Variants in SLC9A7 observed in about 807,000 individuals in gnomAD.
SLC9A7 encodes sodium/hydrogen exchanger 7.
In SLC9A7, 19 loss-of-function variants were observed where a neutral mutation model predicts 52.6. That is an observed-to-expected ratio of 0.36 (90% CI 0.25 to 0.53). The LOEUF (loss-of-function observed/expected upper bound fraction) is 0.53, where lower values mean the gene tolerates loss of function less well. SLC9A7 is among the 20% of genes least tolerant of loss of function. SLC9A7 has a pLI of 0.91. For synonymous variants in SLC9A7, 226 were observed against 252.1 expected, an observed-to-expected ratio of 0.90 and a Z score of 0.98; for missense variants, 455 against 597.9, an observed-to-expected ratio of 0.76 and a Z score of 2.49.
At chrX:46,611,470 T>A (rs1390668916) in intron 16 of SLC9A7, among the ~76,000 whole-genome samples, 1 of 112,280 alleles carries the variant, frequency 8.9e-6, no homozygotes, top group Non-Finnish European at 1.9e-5. Context: ...GGAGGAGCCG[T>A]GGGTGTTGGA....
At chrX:46,697,067 C>T (rs745740967) in intron 1 of SLC9A7, among the ~76,000 whole-genome samples, 1 of 111,655 alleles carries the variant, frequency 9.0e-6, no homozygotes, top group East Asian at 2.8e-4. Context: ...TGTGGGAGAT[C>T]ATAAACAGGG....
intron 15 of SLC9A7, among the ~76,000 whole-genome samples, chrX:46,615,572 C>T (rs1042571641): frequency 1.2e-4 from 13 of 109,708 alleles, no homozygotes; most frequent in Non-Finnish European, 2.5e-4. Context: ...TCAGGTACTC[C>T]AAAGACAAGC....
rs1942657229 is a variant in SLC9A7 at position 46,601,327 on chromosome X, T to G, written c.*5625A>C. 1 of 112,331 alleles carries G rather than the reference T, an allele frequency of 8.9e-6. No homozygotes were observed. The highest frequency in any genetic ancestry group is 9.4e-5 in the Admixed American group (1 of 10,603). The allele number at this position is 112,331 out of a possible 1,213,427, so 9.3% of individuals were successfully genotyped here. ...TGTTTCTACATTTGGAAATTACTTG[T>G]TCACATTAAACATCTGGTATGATTA... is the stretch of plus-strand genomic sequence containing the variant. On this transcript the variant is annotated 3_prime_UTR_variant, in exon 17 of 17. Transcript: ENST00000616978.
At chrX:46,619,847 G>A (rs1222880818) in intron 15 of SLC9A7, among the ~76,000 whole-genome samples, 1 of 109,711 alleles carries the variant, frequency 9.1e-6, no homozygotes, top group African/African-American at 3.3e-5. Context: ...ATGTTGCCCA[G>A]GCTGGTCTAT....
intron 1 of SLC9A7, among the ~76,000 whole-genome samples, chrX:46,758,014 C>T (rs1922807615): frequency 8.9e-6 from 1 of 111,898 alleles, no homozygotes; most frequent in Non-Finnish European, 1.9e-5. Context: ...AAAAGCTCCT[C>T]TTCGTTTGAG....
chrX:46,648,898 G>A (rs1943537585), intron 10 of SLC9A7, 101 bp from the exon 11 acceptor site: 2 of 580,139 alleles, frequency 3.4e-6, no homozygotes, highest in Admixed American at 2.8e-5. Context: ...GTGACACCTC[G>A]TTATAGTCCA....
rs1271891710 is a variant in SLC9A7 at position 46,671,418 on chromosome X, T to G, written c.680+1133A>C. 9.4e-5 allele frequency among the ~76,000 whole-genome samples: 10 copies of G among 106,057 alleles called. No homozygotes were observed. The East Asian group carries it at 1.2e-3, about 13-fold the overall frequency. 92.1% of individuals were successfully genotyped at this position (106,057 alleles called of 115,157 possible). A position where few individuals can be genotyped will look rare whatever the true frequency, so the allele number is the denominator to read the frequency against. On this transcript the variant is annotated intron_variant, in intron 4 of 16. Coordinates refer to ENST00000616978, the MANE Select transcript of SLC9A7 (RefSeq NM_001257291.2). Reference sequence around the variant, plus strand: ...TGGGACTACAGGCGCCCGCCACCACTCCCGGCTAATTTTTTTTTTTTTTTG... The same window carrying G: ...TGGGACTACAGGCGCCCGCCACCACGCCCGGCTAATTTTTTTTTTTTTTTG...
rs934748370 is a variant in SLC9A7 at position 46,624,055 on chromosome X, G to A, written c.1741-2996C>T. Among the ~76,000 whole-genome samples the A allele has an allele frequency of 8.8e-4, 99 of 112,224 alleles. 1 individual carries two copies. Among genetic ancestry groups the A allele is most frequent in the African/African-American group, 2.9e-3 (91 of 30,925 alleles). On this transcript the variant is annotated intron_variant, in intron 14 of 16. Coordinates refer to ENST00000616978, the MANE Select transcript of SLC9A7 (RefSeq NM_001257291.2). ...ATGAAACCTCCATAAAACCCTAAAT[G>A]ACACAATTTGGAGGGCTTCCAAGTT... is the stretch of plus-strand genomic sequence containing the variant.
At chrX:46,639,466 A>G (rs1430306865) in intron 12 of SLC9A7, among the ~76,000 whole-genome samples, 1 of 109,537 alleles carries the variant, frequency 9.1e-6, no homozygotes, top group Non-Finnish European at 1.9e-5. Context: ...TATTTTTAGT[A>G]GAGACAGGGT....
intron 15 of SLC9A7, among the ~76,000 whole-genome samples, chrX:46,615,357 C>T (rs1486641136): frequency 3.6e-5 from 4 of 111,641 alleles, no homozygotes; most frequent in East Asian, 5.6e-4. Flanking sequence ...TCTTTATACG[C>T]GGAACCAGCT....
chrX:46,647,050 C>A, intron 11 of SLC9A7: 1 of 321,378 alleles, frequency 3.1e-6, no homozygotes, highest in South Asian at 3.1e-5. Flanking sequence ...GGAGGTCGGT[C>A]AGACCACCAG....
intron 1 of SLC9A7, among the ~76,000 whole-genome samples, chrX:46,682,960 ATTTTTTTTTT>A (rs1169630244): frequency 4.6e-5 from 3 of 64,908 alleles, no homozygotes; most frequent in Admixed American, 1.6e-4. Context: ...CACCCGGCTA[ATTTTTTTTTT>A]TTTTTTTTTT....
intron 7 of SLC9A7, among the ~76,000 whole-genome samples, chrX:46,654,686 A>G (rs183813518): frequency 6.3e-4 from 70 of 110,316 alleles, no homozygotes; most frequent in Non-Finnish European, 1.2e-3. Flanking sequence ...CACAGGAAAG[A>G]AAGAAATGCA....
intron 1 of SLC9A7, among the ~76,000 whole-genome samples, chrX:46,706,779 GTTCT>G (rs1415746041): frequency 9.0e-6 from 1 of 111,668 alleles, no homozygotes; most frequent in African/African-American, 3.3e-5. Context: ...CTTTTTATTT[GTTCT>G]TTCTTTCTTT....
intron 10 of SLC9A7, among the ~76,000 whole-genome samples, chrX:46,650,879 A>ATT (rs1042751810): frequency 1.8e-5 from 2 of 111,451 alleles, no homozygotes; most frequent in African/African-American, 6.5e-5. Context: ...AATCAAATAC[A>ATT]TTTAGTGTTA....
chrX:46,670,173 T>C (rs865884522), intron 4 of SLC9A7, among the ~76,000 whole-genome samples: 2 of 111,766 alleles, frequency 1.8e-5, no homozygotes, highest in East Asian at 5.6e-4. Flanking sequence ...AATGGGTTGG[T>C]CACAAAGATC....
rs777183419 is a variant in SLC9A7 at position 46,707,889 on chromosome X, G to A, written c.326-25354C>T. 7.6e-4 allele frequency among the ~76,000 whole-genome samples: 85 copies of A among 112,251 alleles called. 1 individual carries two copies. The highest frequency in any genetic ancestry group is 2.3e-3 in the East Asian group (8 of 3,531). ...CAAGTAGCTGGGACTACAGGTGCAC[G>A]CCACCATGCCCAGCTAATCCTTGTA... On this transcript the variant is annotated intron_variant, in intron 1 of 16. Transcript: ENST00000616978.
At chrX:46,626,035 G>A (rs1943122348) in intron 14 of SLC9A7, among the ~76,000 whole-genome samples, 1 of 111,761 alleles carries the variant, frequency 8.9e-6, no homozygotes, top group Admixed American at 9.4e-5. Flanking sequence ...GGCTGGGCAT[G>A]GTGGCCCATG....
intron 5 of SLC9A7, among the ~76,000 whole-genome samples, chrX:46,664,028 T>C (rs1943876551): frequency 9.0e-6 from 1 of 111,568 alleles, no homozygotes; most frequent in Non-Finnish European, 1.9e-5. Flanking sequence ...GGTGTGTGTG[T>C]TGCTTAAAAT....
Sources: allele counts gnomAD v4.1 joint callset (sites outside exome capture counted in the v4.1 genomes callset), GRCh38; gene constraint gnomAD v4.1.1; transcripts MANE v1.5; gene names NCBI Gene and HGNC (gene_info 2026-07-23, HGNC 2026-07-21).